Variants in CPED1 observed in about 807,000 individuals in gnomAD.
CPED1 encodes the protein cadherin-like and PC-esterase domain-containing protein 1.
In CPED1, 114 loss-of-function variants were observed where a neutral mutation model predicts 128.2. The observed-to-expected ratio is 0.89, with a 90% CI of 0.76 to 1.04. The LOEUF is 1.04. Ranked by LOEUF, CPED1 falls within the 50% of genes least tolerant of loss-of-function variation. The pLI is 0.00. For missense variants in CPED1, 1,211 were observed against 1,207.1 expected (o/e 1.00, Z -0.05); for synonymous variants, 462 against 426.7 (o/e 1.08, Z -1.02).
chr7:121,156,417 C>G (rs997542546), intron 16 of CPED1, among the ~76,000 whole-genome samples: 2 of 151,990 alleles, frequency 1.3e-5, no homozygotes, highest in Non-Finnish European at 2.9e-5. Flanking sequence ...TTCACAATAG[C>G]CAAGATATGG....
At chr7:121,055,204 C>T (rs1378653371) in intron 4 of CPED1, among the ~76,000 whole-genome samples, 2 of 152,082 alleles carry the variant, frequency 1.3e-5, no homozygotes, top group East Asian at 1.9e-4. Flanking sequence ...CTTTTTCTCT[C>T]TTAAGGGTGA....
At chr7:121,106,183 A>C (rs1000016988) in intron 7 of CPED1, among the ~76,000 whole-genome samples, 4 of 152,180 alleles carry the variant, frequency 2.6e-5, no homozygotes, top group African/African-American at 9.6e-5. Context: ...GTTCTACAAC[A>C]GAAGATAGTA....
chr7:121,157,109 G>T (rs780744344), intron 16 of CPED1, among the ~76,000 whole-genome samples: 2 of 152,164 alleles, frequency 1.3e-5, no homozygotes, highest in Non-Finnish European at 2.9e-5. Context: ...ACTGCCTGGA[G>T]GATTGGCATT....
chr7:121,032,866 T>G (rs1427095286), intron 3 of CPED1, among the ~76,000 whole-genome samples: 1 of 152,192 alleles, frequency 6.6e-6, no homozygotes, highest in Admixed American at 6.5e-5. Context: ...TGATATATCC[T>G]TGGCTGCTGG....
At chr7:121,039,831 AC>A (rs1185875748) in intron 3 of CPED1, among the ~76,000 whole-genome samples, 1 of 152,104 alleles carries the variant, frequency 6.6e-6, no homozygotes, top group Non-Finnish European at 1.5e-5. Flanking sequence ...ATTTCCTTTT[AC>A]ACTTTTTTAA....
chr7:121,138,392 A>G (rs1012964473), intron 14 of CPED1, among the ~76,000 whole-genome samples: 1 of 152,056 alleles, frequency 6.6e-6, no homozygotes, highest in African/African-American at 2.4e-5. Context: ...GAAAGATGCC[A>G]AGCAAACACC....
intron 18 of CPED1, among the ~76,000 whole-genome samples, chr7:121,263,578 G>A (rs1792060813): frequency 6.6e-6 from 1 of 151,914 alleles, no homozygotes. Flanking sequence ...ATAAATAATA[G>A]TACCTAAGAA....
At chr7:121,223,418 CT>C (rs1222323708) in intron 16 of CPED1, among the ~76,000 whole-genome samples, 2 of 152,032 alleles carry the variant, frequency 1.3e-5, no homozygotes, top group Non-Finnish European at 2.9e-5. Context: ...CTACAATTCT[CT>C]TTTTTTGTTG....
chr7:121,258,556 A>C (rs1343788725), intron 18 of CPED1, among the ~76,000 whole-genome samples: 1 of 152,048 alleles, frequency 6.6e-6, no homozygotes, highest in Non-Finnish European at 1.5e-5. Flanking sequence ...AAAAGCATCT[A>C]CTCTGAGAAT....
At chr7:121,144,273 A>T in intron 16 of CPED1, among the ~76,000 whole-genome samples, 1 of 152,128 alleles carries the variant, frequency 6.6e-6, no homozygotes, top group East Asian at 1.9e-4. Context: ...AATAGCCAAG[A>T]TATGGAATCA....
intron 22 of CPED1, 62 bp from the exon 23 acceptor site, chr7:121,295,378 A>G: frequency 6.6e-7 from 1 of 1,526,232 alleles, no homozygotes; most frequent in Non-Finnish European, 8.8e-7. Flanking sequence ...TTTGAGAGTT[A>G]GTTATGCAGG....
At chr7:121,256,129 C>CAAAAAAAAAAAAAAA (rs201393067) in intron 18 of CPED1, among the ~76,000 whole-genome samples, 3 of 101,240 alleles carry the variant, frequency 3.0e-5, no homozygotes, top group Admixed American at 1.1e-4. Context: ...AAAAACAAAA[C>CAAAAAAAAAAAAAAA]AAAAAAAAAA....
intron 21 of CPED1, among the ~76,000 whole-genome samples, chr7:121,267,766 C>G (rs573071997): frequency 3.3e-5 from 5 of 152,112 alleles, no homozygotes; most frequent in African/African-American, 1.2e-4. Flanking sequence ...GGGACGAGAA[C>G]CAGCTGCTCT....
At chr7:121,111,622 A>G (rs1232166144) in intron 7 of CPED1, among the ~76,000 whole-genome samples, 1 of 152,216 alleles carries the variant, frequency 6.6e-6, no homozygotes, top group Non-Finnish European at 1.5e-5. Flanking sequence ...AATGTTTGGG[A>G]TGGAAGCCAG....
chr7:121,288,791 AAAAGCCAGAAC>A (rs1343840081), intron 22 of CPED1, among the ~76,000 whole-genome samples: 6 of 152,192 alleles, frequency 3.9e-5, no homozygotes, highest in Admixed American at 1.3e-4. Context: ...AGGCACTTGC[AAAAGCCAGAAC>A]TCTAGATAAA....
At chr7:121,270,596 G>A (rs548143897) in intron 21 of CPED1, among the ~76,000 whole-genome samples, 1 of 152,094 alleles carries the variant, frequency 6.6e-6, no homozygotes, top group South Asian at 2.1e-4. Context: ...TCATTATTTT[G>A]AATATAGAGA....
At chr7:121,259,364 T>A (rs1791959696) in intron 18 of CPED1, among the ~76,000 whole-genome samples, 1 of 152,018 alleles carries the variant, frequency 6.6e-6, no homozygotes. Context: ...TTGGAACAAG[T>A]TTTCCCCCTC....
intron 16 of CPED1, among the ~76,000 whole-genome samples, chr7:121,145,872 A>C (rs1307730196): frequency 6.6e-6 from 1 of 152,032 alleles, no homozygotes; most frequent in East Asian, 1.9e-4. Context: ...TGCAGATTAA[A>C]TGGCAAGCTG....
intron 2 of CPED1, among the ~76,000 whole-genome samples, chr7:121,000,558 C>G (rs1476559298): frequency 6.6e-6 from 1 of 152,094 alleles, no homozygotes; most frequent in Non-Finnish European, 1.5e-5. Context: ...TTATCATGTT[C>G]CTTGACATAT....
Sources: gnomAD v4.1 joint callset for allele counts (sites outside exome capture counted in the v4.1 genomes callset) on GRCh38, gnomAD v4.1.1 for gene constraint, MANE v1.5 for transcripts, NCBI Gene and HGNC (gene_info 2026-07-23, HGNC 2026-07-21) for gene names.